The following RPA1 variants were observed in gnomAD, a reference collection of about 807,000 sequenced individuals.
RPA1 encodes the protein replication protein A 70 kDa DNA-binding subunit.
RPA1 carries 49 observed loss-of-function variants against 83.0 expected under a neutral mutation model. The ratio of observed to expected loss-of-function variants is 0.59; its 90% CI spans 0.47 to 0.75. The LOEUF is 0.75. Ranked by LOEUF, RPA1 falls within the 30% of genes least tolerant of loss-of-function variation. The pLI, the probability that RPA1 is intolerant of heterozygous loss-of-function variation, is 0.00. For synonymous variants in RPA1, 279 were observed against 281.8 expected, an observed-to-expected ratio of 0.99 and a Z score of 0.10; for missense variants, 693 against 776.1, an observed-to-expected ratio of 0.89 and a Z score of 1.27.
chr17:1,845,531 A>G (rs180872852), intron 4 of RPA1, among the ~76,000 whole-genome samples: 1 of 152,256 alleles, frequency 6.6e-6, no homozygotes, highest in East Asian at 1.9e-4. Context: ...GCAAGAGGCC[A>G]TCTCTAAAAA....
intron 8 of RPA1, among the ~76,000 whole-genome samples, chr17:1,877,519 T>C (rs1913618421): frequency 6.6e-6 from 1 of 152,208 alleles, no homozygotes; most frequent in Non-Finnish European, 1.5e-5. Flanking sequence ...ATGATTGTTA[T>C]TGTGCTTTTC....
intron 4 of RPA1, among the ~76,000 whole-genome samples, chr17:1,846,353 G>A (rs186197498): frequency 1.9e-4 from 24 of 127,776 alleles, no homozygotes; most frequent in African/African-American, 5.7e-4. Flanking sequence ...GCCTCACTCT[G>A]GTTGCCCAGG....
intron 7 of RPA1, among the ~76,000 whole-genome samples, chr17:1,876,711 C>T (rs145988653): frequency 1.2e-4 from 18 of 152,250 alleles, no homozygotes; most frequent in African/African-American, 4.1e-4. Context: ...ACCTAATGTG[C>T]CCTGTGCCTC....
intron 1 of RPA1, among the ~76,000 whole-genome samples, chr17:1,831,844 C>T (rs1243926733): frequency 6.6e-6 from 1 of 151,542 alleles, no homozygotes; most frequent in African/African-American, 2.4e-5. Context: ...TGTGATTCGC[C>T]CGCCTCGGCC....
chr17:1,839,721 T>C (rs748597591), intron 1 of RPA1, among the ~76,000 whole-genome samples: 15 of 151,500 alleles, frequency 9.9e-5, no homozygotes, highest in Admixed American at 2.6e-4. Flanking sequence ...ACTGCAGCTT[T>C]ATCTCCCTGG....
In RPA1 at chr17:1,875,742, GA is replaced by G; in HGVS notation, c.538del (p.Thr180HisfsTer45). 1 of 1,614,122 alleles carries G rather than the reference GA, an allele frequency of 6.2e-7. No homozygotes were observed. Among genetic ancestry groups the G allele is most frequent in the Non-Finnish European group, 8.5e-7 (1 of 1,180,034 alleles). ...AGPSLSHTSG[G>X]TQSKVVPIAS... ...CCCAGCCTGTCACACACTTCTGGGG[GA>G]ACACAGTCCAAAGTGGTGCCCATTG... On this transcript the variant is annotated frameshift_variant, in exon 7 of 17. Transcript: ENST00000254719. LOFTEE classifies it high-confidence loss of function.
At chr17:1,870,815 GT>G (rs1214166912) in intron 5 of RPA1, among the ~76,000 whole-genome samples, 4 of 152,202 alleles carry the variant, frequency 2.6e-5, no homozygotes, top group Admixed American at 6.5e-5. Context: ...GGATTTTCTA[GT>G]TTAGTGGTTT....
chr17:1,879,122 G>T (rs368468361), intron 9 of RPA1, 61 bp downstream of exon 9: 3 of 1,610,872 alleles, frequency 1.9e-6, no homozygotes, highest in African/African-American at 1.3e-5. Context: ...ATGAAAAGAC[G>T]CTGGCCCAGG....
intron 8 of RPA1, among the ~76,000 whole-genome samples, chr17:1,878,697 G>A (rs1013589946): frequency 6.6e-6 from 1 of 152,092 alleles, no homozygotes; most frequent in Non-Finnish European, 1.5e-5. Flanking sequence ...AATTAAACTC[G>A]TCATTGCCGT....
chr17:1,862,699 G>A lies in RPA1; in HGVS notation c.361+9510G>A, dbSNP rs547756704. ...CTCCTAAAGTGCTAAGATTATTGGC[G>A]TGAGTCACTGTGCCCAGCTTTTTTT... On this transcript the variant is annotated intron_variant, in intron 5 of 16. Coordinates refer to ENST00000254719, the MANE Select transcript of RPA1 (RefSeq NM_002945.5). Among the ~76,000 whole-genome samples, 8 of 132,668 alleles carry A rather than the reference G, an allele frequency of 6.0e-5. No homozygotes were observed. The East Asian group carries it at 6.7e-4, about 11-fold the overall frequency. The allele number at this position is 132,668 out of a possible 152,430, so 87.0% of individuals were successfully genotyped here.
intron 6 of RPA1, among the ~76,000 whole-genome samples, chr17:1,873,738 C>T (rs1913464942): frequency 6.6e-6 from 1 of 151,922 alleles, no homozygotes; most frequent in Non-Finnish European, 1.5e-5. Context: ...CTTATAATCC[C>T]AGCACTCTGG....
intron 1 of RPA1, among the ~76,000 whole-genome samples, chr17:1,839,797 T>G (rs1911975717): frequency 7.3e-6 from 1 of 136,440 alleles, no homozygotes; most frequent in East Asian, 2.0e-4. Context: ...AGTTTTTTTT[T>G]TTTTTTTTTT....
chr17:1,858,353 C>G (rs1912800082), intron 5 of RPA1: 1 of 1,607,272 alleles, frequency 6.2e-7, no homozygotes, highest in East Asian at 2.2e-5. Context: ...ATGGACATCG[C>G]CATGGGAAGA....
chr17:1,847,891 G>T (rs1691588821), intron 4 of RPA1, among the ~76,000 whole-genome samples: 2 of 151,868 alleles, frequency 1.3e-5, no homozygotes, highest in African/African-American at 2.4e-5. Flanking sequence ...GTGGTGGCGG[G>T]TGCGGCCTGT....
In RPA1 at chr17:1,880,589, G is replaced by C; in HGVS notation, c.1139G>C (p.Gly380Ala). Residue 380 changes from glycine to alanine, a missense_variant, in exon 12 of 17, where the codon GGA (glycine) becomes GCA (alanine). By Grantham distance (60) the Gly-to-Ala change is moderately conservative. Transcript: ENST00000254719. The part of the protein sequence containing the change: ...GSRQPVLAIK[G>A]ARVSDFGGRS... Reference sequence around the variant, plus strand: ...AGACAGCCCGTGTTGGCTATCAAAGGAGCCCGAGTCTCTGATTTCGGTGGA... The same window carrying C: ...AGACAGCCCGTGTTGGCTATCAAAGCAGCCCGAGTCTCTGATTTCGGTGGA... 6.2e-7 allele frequency: 1 copy of C among 1,614,084 alleles called. No individual in the cohort carries two copies. The highest frequency in any genetic ancestry group is 8.5e-7 in the Non-Finnish European group (1 of 1,179,996).
chr17:1,839,419 G>A (rs1037539795), intron 1 of RPA1, among the ~76,000 whole-genome samples: 7 of 150,860 alleles, frequency 4.6e-5, no homozygotes, highest in African/African-American at 9.8e-5. Context: ...TCCACCTCTC[G>A]GGTTCAAGCG....
At chr17:1,880,481 T>G in intron 11 of RPA1, 62 bp from the exon 12 acceptor site, 1 of 1,569,116 alleles carries the variant, frequency 6.4e-7, no homozygotes, top group Non-Finnish European at 8.7e-7. Flanking sequence ...TTGTTTTCTA[T>G]AAAAATCTTC....
chr17:1,892,099 C>T (rs529555112), intron 15 of RPA1, among the ~76,000 whole-genome samples, 159 bp downstream of exon 15: 3 of 151,910 alleles, frequency 2.0e-5, no homozygotes, highest in South Asian at 2.1e-4. Context: ...CTCCGCCTCC[C>T]GGGTTCAAGT....
chr17:1,879,264 C>T lies in RPA1; in HGVS notation c.809C>T (p.Thr270Ile). ...GTLKIANKQF[T>I]AVKNDYEMTF... The stretch of plus-strand genomic sequence containing the variant: ...CTGAAGATTGCTAACAAGCAGTTCA[C>T]AGCTGTTAAAAATGACTACGAGATG... Residue 270 changes from threonine (T) to isoleucine (I), a missense_variant, in exon 10 of 17, where the codon ACA (threonine) becomes ATA (isoleucine). Coordinates refer to ENST00000254719, the MANE Select transcript of RPA1 (RefSeq NM_002945.5). 1 of 1,614,158 alleles carries T rather than the reference C, an allele frequency of 6.2e-7. No homozygotes were observed. The highest frequency in any genetic ancestry group is 8.5e-7 in the Non-Finnish European group (1 of 1,180,042).
Sources: allele counts gnomAD v4.1 joint callset (sites outside exome capture counted in the v4.1 genomes callset), GRCh38; gene constraint gnomAD v4.1.1; transcripts MANE v1.5; gene names NCBI Gene and HGNC (gene_info 2026-07-23, HGNC 2026-07-21).